GPC5: variants seen among roughly 807,000 people sequenced by gnomAD.
The protein encoded by GPC5 is glypican-5.
Under a neutral mutation model 53.9 loss-of-function variants are expected in GPC5, and 47 were observed. That is an observed-to-expected ratio of 0.87 (90% CI 0.69 to 1.11). The LOEUF (loss-of-function observed/expected upper bound fraction) is 1.11, where lower values mean the gene tolerates loss of function less well. Ranked by LOEUF, GPC5 falls within the 50% of genes most tolerant of loss-of-function variation. The pLI is 0.00. For synonymous variants in GPC5, 286 were observed against 263.3 expected (o/e 1.09, Z -0.84); for missense variants, 748 against 713.1 (o/e 1.05, Z -0.56).
At chr13:92,310,517 G>T (rs1344702402) in intron 7 of GPC5, among the ~76,000 whole-genome samples, 1 of 152,086 alleles carries the variant, frequency 6.6e-6, no homozygotes, top group African/African-American at 2.4e-5. Flanking sequence ...TTTAATTGTT[G>T]CATTGCATTT....
chr13:92,737,754 T>C (rs921540565), intron 7 of GPC5, among the ~76,000 whole-genome samples: 1 of 128,822 alleles, frequency 7.8e-6, no homozygotes, highest in African/African-American at 2.8e-5. Flanking sequence ...CTTTCTTTTT[T>C]TTTTTCTTTT....
At chr13:92,651,201 A>G (rs541809203) in intron 7 of GPC5, among the ~76,000 whole-genome samples, 27 of 151,238 alleles carry the variant, frequency 1.8e-4, no homozygotes, top group Non-Finnish European at 2.9e-4. Flanking sequence ...TATTAGTTCT[A>G]TCCGTCTAAG....
chr13:92,100,383 CAG>C (rs1367730934), intron 6 of GPC5, among the ~76,000 whole-genome samples: 4 of 152,154 alleles, frequency 2.6e-5, no homozygotes, highest in Non-Finnish European at 4.4e-5. Flanking sequence ...GCCTGAGCGA[CAG>C]AGTGAGACCT....
chr13:92,216,908 G>A (rs1407424505), intron 7 of GPC5, among the ~76,000 whole-genome samples: 1 of 151,560 alleles, frequency 6.6e-6, no homozygotes, highest in Non-Finnish European at 1.5e-5. Flanking sequence ...GAACCCAGGA[G>A]GTGGAGGTTC....
intron 2 of GPC5, among the ~76,000 whole-genome samples, chr13:91,664,120 G>A (rs1418496061): frequency 6.6e-6 from 1 of 152,236 alleles, no homozygotes; most frequent in East Asian, 1.9e-4. Flanking sequence ...TATCAGAGAT[G>A]ACTTGCAGCA....
intron 2 of GPC5, among the ~76,000 whole-genome samples, chr13:91,625,905 A>G (rs530271821): frequency 2.6e-5 from 4 of 152,194 alleles, no homozygotes; most frequent in African/African-American, 7.2e-5. Context: ...TCAAATGTCA[A>G]TTTTACTCTC....
At chr13:92,529,341 A>C (rs976191607) in intron 7 of GPC5, among the ~76,000 whole-genome samples, 1 of 152,202 alleles carries the variant, frequency 6.6e-6, no homozygotes, top group Non-Finnish European at 1.5e-5. Context: ...AGATTTATTG[A>C]AGATTTTACA....
chr13:92,195,199 A>G (rs924045293), intron 7 of GPC5, among the ~76,000 whole-genome samples: 4 of 152,182 alleles, frequency 2.6e-5, no homozygotes, highest in African/African-American at 9.7e-5. Flanking sequence ...TTGATCTCTA[A>G]TCTAGAGACA....
At chr13:92,263,044 A>G (rs933912118) in intron 7 of GPC5, among the ~76,000 whole-genome samples, 1 of 152,172 alleles carries the variant, frequency 6.6e-6, no homozygotes, top group African/African-American at 2.4e-5. Context: ...TATTTTTATG[A>G]CATAGAGAGT....
chr13:91,792,898 C>T (rs1292351558), intron 5 of GPC5, among the ~76,000 whole-genome samples: 1 of 152,118 alleles, frequency 6.6e-6, no homozygotes, highest in African/African-American at 2.4e-5. Flanking sequence ...TATCACTATA[C>T]TAAGGACTGT....
intron 7 of GPC5, among the ~76,000 whole-genome samples, chr13:92,347,361 G>A (rs539089114): frequency 4.6e-5 from 7 of 152,110 alleles, no homozygotes; most frequent in Non-Finnish European, 1.0e-4. Flanking sequence ...AACACTGCAG[G>A]CCAGGAAAGA....
chr13:91,609,770 C>A (rs9515956), intron 2 of GPC5, among the ~76,000 whole-genome samples: 2 of 151,950 alleles, frequency 1.3e-5, no homozygotes, highest in South Asian at 2.1e-4. Context: ...GGTTTTTATA[C>A]GCCAGAGTAA....
chr13:92,562,864 C>CT (rs766022644), intron 7 of GPC5, among the ~76,000 whole-genome samples: 2 of 151,998 alleles, frequency 1.3e-5, no homozygotes, highest in Non-Finnish European at 2.9e-5. Flanking sequence ...CTGGTGATTG[C>CT]TTTTTTTGTG....
At chr13:91,408,987 A>G (rs764073145) in intron 1 of GPC5, among the ~76,000 whole-genome samples, 18 of 152,322 alleles carry the variant, frequency 1.2e-4, no homozygotes, top group Non-Finnish European at 2.5e-4. Flanking sequence ...GTGTGTCTTC[A>G]TTGATTAAAT....
chr13:91,981,082 G>A (rs2040353357), intron 6 of GPC5, among the ~76,000 whole-genome samples: 1 of 152,116 alleles, frequency 6.6e-6, no homozygotes, highest in South Asian at 2.1e-4. Context: ...GTGTCTTTTT[G>A]TGAGTATATG....
At chr13:92,081,901 TG>T (rs1351263135) in intron 6 of GPC5, among the ~76,000 whole-genome samples, 10 of 152,084 alleles carry the variant, frequency 6.6e-5, no homozygotes, top group African/African-American at 1.7e-4. Flanking sequence ...GCCTGTGACA[TG>T]AACATAATAG....
intron 6 of GPC5, among the ~76,000 whole-genome samples, chr13:92,138,627 G>A (rs1473840267): frequency 3.9e-5 from 6 of 152,158 alleles, no homozygotes; most frequent in Non-Finnish European, 7.3e-5. Context: ...GCTTAAGGGT[G>A]CATATATGGA....
chr13:91,547,471 T>A (rs2030363003), intron 2 of GPC5, among the ~76,000 whole-genome samples: 1 of 152,108 alleles, frequency 6.6e-6, no homozygotes, highest in African/African-American at 2.4e-5. Context: ...AACCTGAATA[T>A]GCCTATATCT....
chr13:92,091,564 C>T (rs1438789366), intron 6 of GPC5, among the ~76,000 whole-genome samples: 3 of 152,030 alleles, frequency 2.0e-5, no homozygotes, highest in Non-Finnish European at 4.4e-5. Flanking sequence ...CCAGTCCCTG[C>T]TGGCTTTGAA....
Sources: allele counts gnomAD v4.1 joint callset (sites outside exome capture counted in the v4.1 genomes callset), GRCh38; gene constraint gnomAD v4.1.1; transcripts MANE v1.5; gene names NCBI Gene and HGNC (gene_info 2026-07-23, HGNC 2026-07-21).